The following KIF26B variants were observed in gnomAD, a reference collection of about 807,000 sequenced individuals.
The protein encoded by KIF26B is kinesin family member 26B.
A neutral mutation model predicts 151.2 loss-of-function variants in KIF26B; 63 were observed. That is an observed-to-expected ratio of 0.42 (90% CI 0.34 to 0.51). The LOEUF (loss-of-function observed/expected upper bound fraction) is 0.51. Among genes scored for constraint, KIF26B ranks in the 20% least tolerant of loss-of-function variants. The pLI is 0.07. For missense variants in KIF26B, 2,813 were observed against 2,913.6 expected, an observed-to-expected ratio of 0.97 and a Z score of 0.79; for synonymous variants, 1,357 against 1,262.1, an observed-to-expected ratio of 1.08 and a Z score of -1.59.
chr1:245,654,834 C>CA (rs1208237378), intron 10 of KIF26B, among the ~76,000 whole-genome samples: 1 of 152,230 alleles, frequency 6.6e-6, no homozygotes, highest in Non-Finnish European at 1.5e-5. Context: ...GGTTATCACC[C>CA]AGGCTGTGCC....
At chr1:245,621,212 C>T (rs567691945) in intron 9 of KIF26B, among the ~76,000 whole-genome samples, 88 of 152,206 alleles carry the variant, frequency 5.8e-4, no homozygotes, top group African/African-American at 1.8e-3. Context: ...TACGACGGTG[C>T]GGGAAGGCGA....
At position 245,366,878 on chromosome 1, in the gene KIF26B, C is replaced by T. The variant is rs988312277; in HGVS notation, c.510C>T (p.Pro170=). 1 of 1,613,928 alleles carries T rather than the reference C, an allele frequency of 6.2e-7. No individual in the cohort carries two copies. Among genetic ancestry groups the T allele is most frequent in the Non-Finnish European group, 8.5e-7 (1 of 1,179,910 alleles). Residue 170 remains proline, a synonymous_variant, in exon 3 of 15, where the codon CCC becomes CCT. Coordinates refer to ENST00000407071, the MANE Select transcript of KIF26B (RefSeq NM_018012.4). ...SAVIHDKLQV[P]NTIRKAWNDR... is the part of the protein sequence containing the mutation. ...TGATTCACGACAAACTCCAGGTCCC[C>T]AACACCATCCGGAAGGCATGGAACG...
intron 2 of KIF26B, among the ~76,000 whole-genome samples, chr1:245,184,907 G>T (rs2103529609): frequency 6.6e-6 from 1 of 152,298 alleles, no homozygotes; most frequent in Non-Finnish European, 1.5e-5. Context: ...AGAGCGTCTT[G>T]CTTGCACTGC....
chr1:245,309,478 C>T (rs113430572), intron 2 of KIF26B, among the ~76,000 whole-genome samples: 1 of 151,904 alleles, frequency 6.6e-6, no homozygotes, highest in African/African-American at 2.4e-5. Context: ...AGGCTGCCAG[C>T]CTTTGGGATG....
chr1:245,694,107 C>T (rs546300998), intron 12 of KIF26B, among the ~76,000 whole-genome samples: 57 of 152,334 alleles, frequency 3.7e-4, no homozygotes, highest in African/African-American at 1.3e-3. Flanking sequence ...GGAGGAAGCC[C>T]AGGCTCGGCA....
intron 2 of KIF26B, among the ~76,000 whole-genome samples, chr1:245,306,390 A>G (rs1671540048): frequency 6.6e-6 from 1 of 152,232 alleles, no homozygotes. Flanking sequence ...GGGACGTTGC[A>G]GCTAATGCAT....
chr1:245,442,417 G>A (rs1416777707), intron 4 of KIF26B, among the ~76,000 whole-genome samples: 2 of 152,120 alleles, frequency 1.3e-5, no homozygotes, highest in African/African-American at 2.4e-5. Context: ...TTAGGTCGGG[G>A]TCCCCAGAAG....
chr1:245,652,433 T>C (rs1442704937), intron 10 of KIF26B, among the ~76,000 whole-genome samples: 1 of 152,124 alleles, frequency 6.6e-6, no homozygotes. Flanking sequence ...GACATCGAAG[T>C]CCCTTTTCTA....
intron 2 of KIF26B, among the ~76,000 whole-genome samples, chr1:245,248,333 C>A (rs1367243551): frequency 6.6e-6 from 1 of 152,198 alleles, no homozygotes. Context: ...GGGCGCCTGG[C>A]ATGCCTCCGC....
At chr1:245,209,897 G>T (rs1669479985) in intron 2 of KIF26B, among the ~76,000 whole-genome samples, 1 of 152,236 alleles carries the variant, frequency 6.6e-6, no homozygotes, top group Admixed American at 6.5e-5. Flanking sequence ...GGCGTGCAAG[G>T]CATTTGCTTA....
intron 4 of KIF26B, among the ~76,000 whole-genome samples, chr1:245,452,085 G>C (rs1659408937): frequency 6.6e-6 from 1 of 152,036 alleles, no homozygotes; most frequent in Admixed American, 6.6e-5. Flanking sequence ...TAACCATTAA[G>C]TAATAACTCC....
chr1:245,261,630 G>A (rs1221229473), intron 2 of KIF26B, among the ~76,000 whole-genome samples: 2 of 151,482 alleles, frequency 1.3e-5, no homozygotes, highest in Non-Finnish European at 2.9e-5. Context: ...TGTTGCCCAG[G>A]CTGGAATGCA....
chr1:245,532,650 A>G (rs1661400070), intron 4 of KIF26B, among the ~76,000 whole-genome samples: 1 of 152,154 alleles, frequency 6.6e-6, no homozygotes, highest in Admixed American at 6.5e-5. Flanking sequence ...TTTTAACATG[A>G]TATTGTTTGA....
intron 5 of KIF26B, among the ~76,000 whole-genome samples, chr1:245,541,483 G>C (rs967437477): frequency 1.3e-5 from 2 of 152,176 alleles, no homozygotes; most frequent in Admixed American, 1.3e-4. Flanking sequence ...ATGTAGGATC[G>C]TGCTTACAAG....
rs976010518 is a variant in KIF26B at position 245,606,528 on chromosome 1, A to G, written c.1558-1123A>G. Among the ~76,000 whole-genome samples the G allele has an allele frequency of 3.3e-5, 5 of 152,208 alleles. No homozygotes were observed. The highest frequency in any genetic ancestry group is 7.3e-5 in the Non-Finnish European group (5 of 68,034). On this transcript the variant is annotated intron_variant, in intron 6 of 14. Coordinates refer to ENST00000407071, the MANE Select transcript of KIF26B (RefSeq NM_018012.4). This position sits in a 1 kb window ranked among gnomAD's most constrained non-coding sequence, Gnocchi z 4.6. ...AAACAAAGAGAAGGACATTTCCCAG[A>G]TCTCCAAGTTAGTCCACAAAACCGA...
At chr1:245,335,919 G>T (rs1468931503) in intron 2 of KIF26B, among the ~76,000 whole-genome samples, 1 of 140,308 alleles carries the variant, frequency 7.1e-6, no homozygotes, top group Admixed American at 7.3e-5. Context: ...CCCACGCGGG[G>T]AGAGCCCCAT....
chr1:245,203,507 A>G (rs771847427), intron 2 of KIF26B, among the ~76,000 whole-genome samples: 2 of 152,216 alleles, frequency 1.3e-5, no homozygotes, highest in Non-Finnish European at 2.9e-5. Flanking sequence ...CCCAAACAGC[A>G]TAGATTTCAA....
Position 245,561,458 on chromosome 1 carries a change from C to T in KIF26B, c.1350+20508C>T, listed in dbSNP as rs560147986. On this transcript the variant is annotated intron_variant, in intron 5 of 14. Transcript: ENST00000407071. ...TTGGGTCACTCTTTGTGACAAGAAC[C>T]GTGTGAACCACTTCTTACCTGTAAT... Among the ~76,000 whole-genome samples, 39 of 152,272 alleles carry T rather than the reference C, an allele frequency of 2.6e-4. 1 individual carries two copies. Among genetic ancestry groups the T allele is most frequent in the South Asian group, 2.5e-3 (12 of 4,818 alleles).
chr1:245,226,863 A>G (rs1269830095), intron 2 of KIF26B, among the ~76,000 whole-genome samples: 1 of 152,184 alleles, frequency 6.6e-6, no homozygotes, highest in Non-Finnish European at 1.5e-5. Flanking sequence ...CCTGGGCTTA[A>G]GCTTCTAATT....
Sources: gnomAD v4.1 joint callset for allele counts (sites outside exome capture counted in the v4.1 genomes callset) on GRCh38, gnomAD v4.1.1 for gene constraint, Gnocchi (gnomAD v3.1) non-coding constraint, MANE v1.5 for transcripts, NCBI Gene and HGNC (gene_info 2026-07-23, HGNC 2026-07-21) for gene names.